The following FBN1 variants were observed in gnomAD, a reference collection of about 807,000 sequenced individuals.
The protein encoded by FBN1 is fibrillin 1.
FBN1 carries 29 observed loss-of-function variants against 365.1 expected under a neutral mutation model. The ratio of observed to expected loss-of-function variants is 0.08; its 90% CI spans 0.06 to 0.11. The LOEUF (loss-of-function observed/expected upper bound fraction) is 0.11, where lower values mean the gene tolerates loss of function less well. Ranked by LOEUF, FBN1 falls within the 10% of genes least tolerant of loss-of-function variation. FBN1 has a pLI of 1.00. For synonymous variants in FBN1, 1,210 were observed against 1,270.5 expected (o/e 0.95, Z 1.01); for missense variants, 2,476 against 3,703.2 (o/e 0.67, Z 8.60).
Position 48,516,219 on chromosome 15 carries a change from G to A in FBN1, c.1291C>T (p.Pro431Ser). ...CGAGATGGATACAGATATTCCACTGGTGGTCGAGGGACCGGAATTTGAGGT... is the reference window on the plus strand; with the variant it reads ...CGAGATGGATACAGATATTCCACTGATGGTCGAGGGACCGGAATTTGAGGT... ...PGPQIPVPRP[P>S]VEYLYPSREP... Residue 431 changes from proline (P) to serine (S), a missense_variant, in exon 11 of 66, where the codon CCA becomes TCA. Pro to Ser is a moderately conservative substitution (Grantham distance 74). This residue lies in a region of FBN1 where 421 missense variants were observed against 520.1 expected (regional missense o/e 0.81). Coordinates refer to ENST00000316623, the MANE Select transcript of FBN1 (RefSeq NM_000138.5). The A allele has an allele frequency of 6.2e-7, 1 of 1,613,886 alleles. No homozygotes were observed. The highest frequency in any genetic ancestry group is 2.2e-5 in the East Asian group (1 of 44,880).
Position 48,495,264 on chromosome 15 carries a change from C to T in FBN1, c.2540-4G>A, listed in dbSNP as rs1469678868. ...CAGCAAGTGCCCTTGATGGTTTCTG[C>T]AGAGGAGGGAATAATATTTAATAGA... On this transcript the variant is annotated splice_region_variant and splice_polypyrimidine_tract_variant and intron_variant, in intron 21 of 65. Coordinates refer to ENST00000316623, the MANE Select transcript of FBN1 (RefSeq NM_000138.5). The T allele has an allele frequency of 1.2e-6, 2 of 1,613,742 alleles. No homozygotes were observed. Among genetic ancestry groups the T allele is most frequent in the African/African-American group, 2.7e-5 (2 of 74,874 alleles).
At position 48,410,782 on chromosome 15, in the gene FBN1, C is replaced by A. The variant is rs1290125068; in HGVS notation, c.*208G>T. On this transcript the variant is annotated 3_prime_UTR_variant, in exon 66 of 66. Coordinates refer to ENST00000316623, the MANE Select transcript of FBN1 (RefSeq NM_000138.5). ...CACATATGACAAGGTAGCTTAGCTA[C>A]ACACATGAGAAGCCTGAGAAAGTGG... The A allele has an allele frequency of 3.5e-6, 2 of 573,826 alleles. No individual in the cohort carries two copies. Among genetic ancestry groups the A allele is most frequent in the African/African-American group, 3.8e-5 (2 of 53,232 alleles). 35.5% of individuals were successfully genotyped at this position (573,826 alleles called of 1,614,324 possible).
At chr15:48,525,090 ATT>A (rs35424714) in intron 9 of FBN1, among the ~76,000 whole-genome samples, 22,529 of 143,786 alleles carry the variant, frequency 0.16, 1,769 homozygotes, top group East Asian at 0.36. Flanking sequence ...TGTCAAATCT[ATT>A]TTTTTTTTTT....
intron 2 of FBN1, among the ~76,000 whole-genome samples, chr15:48,619,659 C>G (rs1398964711): frequency 6.6e-6 from 1 of 152,142 alleles, no homozygotes; most frequent in Non-Finnish European, 1.5e-5. Flanking sequence ...CCGGATACAT[C>G]AGGACTATTC....
At chr15:48,581,792 G>A (rs2044394199) in intron 6 of FBN1, among the ~76,000 whole-genome samples, 2 of 152,054 alleles carry the variant, frequency 1.3e-5, no homozygotes, top group Admixed American at 6.6e-5. Flanking sequence ...TAATGCTAGC[G>A]ACCACAGTGA....
chr15:48,563,867 C>T (rs1228795832), intron 6 of FBN1, among the ~76,000 whole-genome samples: 1 of 152,138 alleles, frequency 6.6e-6, no homozygotes, highest in African/African-American at 2.4e-5. Context: ...TTTAAAAATG[C>T]AGATTTTTTG....
At chr15:48,564,527 A>G (rs1310146638) in intron 6 of FBN1, among the ~76,000 whole-genome samples, 3 of 151,568 alleles carry the variant, frequency 2.0e-5, no homozygotes, top group Non-Finnish European at 4.4e-5. Flanking sequence ...TTGTCTAGGT[A>G]TATCTTTGCC....
chr15:48,608,287 A>G (rs1372710674), intron 4 of FBN1, among the ~76,000 whole-genome samples: 6 of 152,204 alleles, frequency 3.9e-5, no homozygotes, highest in Non-Finnish European at 7.3e-5. Context: ...CTATCATATA[A>G]AAAGTATAAA....
In FBN1 at chr15:48,492,560, C is replaced by T; in HGVS notation, c.2755G>A (p.Gly919Arg). ...ACACACAGGCCATTTTTACACACTC[C>T]TGGGAACACTTCACATTCATCTATA... is the stretch of plus-strand genomic sequence containing the variant. ...EDIDECEVFPGVCKNGLCVNT... is the reference protein window; with the variant it reads ...EDIDECEVFPRVCKNGLCVNT... Residue 919 changes from glycine to arginine, a missense_variant, in exon 24 of 66, where the codon GGA becomes AGA. Gly to Arg is a moderately radical substitution (Grantham distance 125). Around this residue, in one of 5 missense-constraint regions of FBN1, gnomAD observed 1,780 missense variants for 2,840.8 expected, o/e 0.63. Coordinates refer to ENST00000316623, the MANE Select transcript of FBN1 (RefSeq NM_000138.5). The T allele has an allele frequency of 6.2e-7, 1 of 1,608,032 alleles. No homozygotes were observed. The highest frequency in any genetic ancestry group is 8.5e-7 in the Non-Finnish European group (1 of 1,174,968).
At chr15:48,439,898 T>C (rs1419893732) in intron 50 of FBN1, among the ~76,000 whole-genome samples, 1 of 152,228 alleles carries the variant, frequency 6.6e-6, no homozygotes, top group African/African-American at 2.4e-5. Context: ...TCTGTCCACC[T>C]GAGTCCCATG....
chr15:48,468,279 T>C, intron 37 of FBN1, 133 bp downstream of exon 37: 4 of 1,371,584 alleles, frequency 2.9e-6, no homozygotes, highest in Non-Finnish European at 4.1e-6. Context: ...GATATCTGAA[T>C]CTAAAGTAGA....
At chr15:48,630,111 C>T (rs936319129) in intron 2 of FBN1, among the ~76,000 whole-genome samples, 3 of 152,204 alleles carry the variant, frequency 2.0e-5, no homozygotes, top group Non-Finnish European at 4.4e-5. Context: ...ATTAACATGT[C>T]GGTCCAGGGG....
chr15:48,581,019 T>TCA (rs1166075837), intron 6 of FBN1, among the ~76,000 whole-genome samples: 2 of 152,100 alleles, frequency 1.3e-5, no homozygotes, highest in African/African-American at 4.8e-5. Context: ...CTGGGTGAGC[T>TCA]CAGAACATCA....
intron 6 of FBN1, among the ~76,000 whole-genome samples, chr15:48,554,956 T>G (rs2044168492): frequency 6.6e-6 from 1 of 152,244 alleles, no homozygotes; most frequent in African/African-American, 2.4e-5. Flanking sequence ...CAATGATATT[T>G]TCAATAGAAA....
At chr15:48,584,735 T>A (rs555402506) in intron 6 of FBN1, among the ~76,000 whole-genome samples, 1 of 152,198 alleles carries the variant, frequency 6.6e-6, no homozygotes, top group African/African-American at 2.4e-5. Context: ...TTATGCCGTC[T>A]GAAAAAATAA....
chr15:48,630,666 T>C (rs940377272), intron 2 of FBN1, among the ~76,000 whole-genome samples: 1 of 144,262 alleles, frequency 6.9e-6, no homozygotes, highest in African/African-American at 2.5e-5. Flanking sequence ...AAATACCCGG[T>C]ATTTGCAGTG....
At chr15:48,501,766 T>C (rs2043660202) in intron 17 of FBN1, among the ~76,000 whole-genome samples, 1 of 152,232 alleles carries the variant, frequency 6.6e-6, no homozygotes, top group African/African-American at 2.4e-5. Context: ...TTCATGATAC[T>C]TGTCTGTATT....
chr15:48,477,161 G>A (rs2043426308), intron 32 of FBN1, among the ~76,000 whole-genome samples: 1 of 151,766 alleles, frequency 6.6e-6, no homozygotes, highest in Non-Finnish European at 1.5e-5. Context: ...TTTTCATATG[G>A]CTTTTACCTT....
chr15:48,468,635 T>A (rs1226890908), intron 36 of FBN1, 101 bp from the exon 37 acceptor site: 2 of 1,231,008 alleles, frequency 1.6e-6, no homozygotes, highest in Non-Finnish European at 2.4e-6. Context: ...AACAAGAATT[T>A]TAAAGCTACT....
Sources: allele counts gnomAD v4.1 joint callset (sites outside exome capture counted in the v4.1 genomes callset), GRCh38; gene constraint gnomAD v4.1.1; regional missense constraint gnomAD v4.1.1; transcripts MANE v1.5; gene names NCBI Gene and HGNC (gene_info 2026-07-23, HGNC 2026-07-21).